EFR3B: variants seen among roughly 807,000 people sequenced by gnomAD.
EFR3B encodes EFR3 homolog B.
In EFR3B, 64 loss-of-function variants were observed where a neutral mutation model predicts 104.7. That is an observed-to-expected ratio of 0.61 (90% CI 0.50 to 0.75). EFR3B has a LOEUF of 0.75. Ranked by LOEUF, EFR3B falls within the 30% of genes least tolerant of loss-of-function variation. EFR3B has a pLI of 0.00. For synonymous variants in EFR3B, 385 were observed against 417.9 expected (o/e 0.92, Z 0.96); for missense variants, 750 against 1,078.5 (o/e 0.70, Z 4.27).
At chr2:25,091,480 C>T (rs559251797) in intron 2 of EFR3B, 79 bp downstream of exon 2, 2 of 1,335,812 alleles carry the variant, frequency 1.5e-6, no homozygotes, top group South Asian at 2.9e-5. Context: ...GGAAGCCAGG[C>T]CTCCTGCCGG....
chr2:25,059,875 C>CAA (rs773320701), intron 1 of EFR3B, among the ~76,000 whole-genome samples: 17 of 48,720 alleles, frequency 3.5e-4, no homozygotes, highest in Non-Finnish European at 5.1e-4. Flanking sequence ...AACTCTGTCT[C>CAA]AAAAAAAAAA....
chr2:25,126,447 C>A (rs1359287783), intron 5 of EFR3B, among the ~76,000 whole-genome samples: 1 of 151,970 alleles, frequency 6.6e-6, no homozygotes, highest in Non-Finnish European at 1.5e-5. Flanking sequence ...GTAACCTCCA[C>A]CTCCTGGGTT....
At position 25,046,583 on chromosome 2, in the gene EFR3B, G is replaced by A. The variant is rs1339102461; in HGVS notation, c.7+4264G>A. 2.0e-4 allele frequency among the ~76,000 whole-genome samples: 29 copies of A among 146,828 alleles called. No homozygotes were observed. In the East Asian group the frequency reaches 5.7e-3, roughly 29 times the overall value. On this transcript the variant is annotated intron_variant, in intron 1 of 22. Transcript: ENST00000403714. ...AGTGGCGCGATCTCGGCTCACTGCAGGCTCCGCCCCCTGGGGTTCACGCCA... is the reference window on the plus strand; with the variant it reads ...AGTGGCGCGATCTCGGCTCACTGCAAGCTCCGCCCCCTGGGGTTCACGCCA...
chr2:25,148,596 C>G (rs1670904378), intron 19 of EFR3B, among the ~76,000 whole-genome samples: 1 of 151,586 alleles, frequency 6.6e-6, no homozygotes, highest in Admixed American at 6.6e-5. Context: ...ATTAAATGCT[C>G]AAGTCGCATT....
At chr2:25,106,384 G>A (rs1669564297) in intron 4 of EFR3B, among the ~76,000 whole-genome samples, 1 of 152,024 alleles carries the variant, frequency 6.6e-6, no homozygotes, top group South Asian at 2.1e-4. Context: ...CCGCCTCCGA[G>A]GTTCAAGTGA....
At chr2:25,099,898 A>G (rs557070855) in intron 3 of EFR3B, among the ~76,000 whole-genome samples, 152 of 151,470 alleles carry the variant, frequency 1.0e-3, no homozygotes, top group African/African-American at 3.6e-3. Flanking sequence ...GATGAAGACT[A>G]GCTAATAAAG....
chr2:25,117,928 C>G (rs955516390), intron 4 of EFR3B, among the ~76,000 whole-genome samples: 2 of 152,142 alleles, frequency 1.3e-5, no homozygotes, highest in Admixed American at 1.3e-4. Context: ...GGCAATCACC[C>G]TTCTACTCTG....
intron 16 of EFR3B, among the ~76,000 whole-genome samples, chr2:25,140,510 C>T (rs774585945): frequency 3.5e-4 from 53 of 152,244 alleles, no homozygotes; most frequent in Non-Finnish European, 6.5e-4. Flanking sequence ...CATCCTCTGC[C>T]TGACAATTGT....
intron 12 of EFR3B, among the ~76,000 whole-genome samples, chr2:25,134,322 C>CA (rs1337221681): frequency 2.6e-5 from 4 of 152,046 alleles, no homozygotes; most frequent in Admixed American, 6.6e-5. Flanking sequence ...ATGCCACCAC[C>CA]ACGCCTAGCT....
At chr2:25,054,901 T>G (rs1215222748) in intron 1 of EFR3B, among the ~76,000 whole-genome samples, 1 of 152,174 alleles carries the variant, frequency 6.6e-6, no homozygotes, top group African/African-American at 2.4e-5. Context: ...TGTGTCCCTC[T>G]CATCTCTGCA....
rs951151370 is a variant in EFR3B, at chr2:25,131,287, C to T, written c.850-81C>T. 26 of 1,507,034 alleles carry T rather than the reference C, an allele frequency of 1.7e-5. No individual in the cohort carries two copies. Among genetic ancestry groups the T allele is most frequent in the Admixed American group, 6.3e-5 (3 of 47,516 alleles). 93.4% of individuals were successfully genotyped at this position (1,507,034 alleles called of 1,614,324 possible). A position where few individuals can be genotyped will look rare whatever the true frequency, so the allele number is the denominator to read the frequency against. On this transcript the variant is annotated intron_variant, in intron 8 of 22. Coordinates refer to ENST00000403714, the MANE Select transcript of EFR3B (RefSeq NM_014971.2). This position sits in a 1 kb window ranked among gnomAD's most constrained non-coding sequence, Gnocchi z 7.6. Reference sequence around the variant, plus strand: ...GAACGTCCCTTTAGTTTACCCCCGCCTTTGGGTGCCAGGAGAGGGCTGCGC... The same window carrying T: ...GAACGTCCCTTTAGTTTACCCCCGCTTTTGGGTGCCAGGAGAGGGCTGCGC...
In EFR3B at chr2:25,131,599, C is replaced by G; in HGVS notation, c.985+96C>G. On this transcript the variant is annotated intron_variant, in intron 9 of 22. Transcript: ENST00000403714. The surrounding 1 kb of genome is among the most constrained non-coding windows in gnomAD (Gnocchi z 7.6). ...AGGGACAACAGGGAGGGGTCGGAGT[C>G]CGTTTTCCTCGGGAGAAGTCCGCCA... 1 of 1,510,382 alleles carries G rather than the reference C, an allele frequency of 6.6e-7. No homozygotes were observed. Among genetic ancestry groups the G allele is most frequent in the Non-Finnish European group, 8.9e-7 (1 of 1,123,700 alleles). 93.6% of individuals were successfully genotyped at this position (1,510,382 alleles called of 1,614,324 possible).
At chr2:25,119,100 C>G (rs1344666281) in intron 4 of EFR3B, among the ~76,000 whole-genome samples, 1 of 152,028 alleles carries the variant, frequency 6.6e-6, no homozygotes, top group African/African-American at 2.4e-5. Flanking sequence ...TATTAAAATT[C>G]ATGCAGTCTT....
chr2:25,057,387 C>G (rs911628910), intron 1 of EFR3B, among the ~76,000 whole-genome samples: 1 of 151,868 alleles, frequency 6.6e-6, no homozygotes, highest in Admixed American at 6.6e-5. Flanking sequence ...TGCAAGTCAC[C>G]CAGCTCGTTA....
At chr2:25,107,862 G>A (rs1421478523) in intron 4 of EFR3B, among the ~76,000 whole-genome samples, 2 of 140,810 alleles carry the variant, frequency 1.4e-5, no homozygotes, top group African/African-American at 5.3e-5. Flanking sequence ...TTTTATTTTT[G>A]AGATGGGGTC....
At chr2:25,044,340 C>T (rs1328269935) in intron 1 of EFR3B, among the ~76,000 whole-genome samples, 1 of 151,950 alleles carries the variant, frequency 6.6e-6, no homozygotes, top group Non-Finnish European at 1.5e-5. Context: ...CTTGGATTTT[C>T]GTATATTCCT....
chr2:25,113,767 C>A (rs1376194254), intron 4 of EFR3B, among the ~76,000 whole-genome samples: 1 of 151,862 alleles, frequency 6.6e-6, no homozygotes, highest in East Asian at 1.9e-4. Flanking sequence ...GGATGACAGG[C>A]CAAAAATGCC....
At chr2:25,072,910 CTA>C (rs1020473445) in intron 1 of EFR3B, among the ~76,000 whole-genome samples, 2 of 152,178 alleles carry the variant, frequency 1.3e-5, no homozygotes, top group African/African-American at 2.4e-5. Context: ...CCTTTTGACT[CTA>C]TTTCTGGAAA....
intron 4 of EFR3B, among the ~76,000 whole-genome samples, chr2:25,105,790 C>A (rs1026118736): frequency 2.0e-5 from 3 of 152,210 alleles, no homozygotes; most frequent in African/African-American, 7.2e-5. Flanking sequence ...GTGGCCACCA[C>A]CTCTAGCTTC....
Sources: gnomAD v4.1 joint callset for allele counts (sites outside exome capture counted in the v4.1 genomes callset) on GRCh38, gnomAD v4.1.1 for gene constraint, Gnocchi (gnomAD v3.1) non-coding constraint, MANE v1.5 for transcripts, NCBI Gene and HGNC (gene_info 2026-07-23, HGNC 2026-07-21) for gene names.